The following PSMA1 variants were observed in gnomAD, a reference collection of about 807,000 sequenced individuals.
PSMA1 encodes the protein proteasome subunit alpha type-1.
In PSMA1, 3 loss-of-function variants were observed where a neutral mutation model predicts 38.4. The observed-to-expected ratio is 0.08, with a 90% CI of 0.04 to 0.20. The LOEUF is 0.20. Among genes scored for constraint, PSMA1 ranks in the 10% least tolerant of loss-of-function variants. The pLI is 1.00. For synonymous variants in PSMA1, 101 were observed against 107.1 expected, an observed-to-expected ratio of 0.94 and a Z score of 0.35; for missense variants, 227 against 325.3, an observed-to-expected ratio of 0.70 and a Z score of 2.32.
At chr11:14,575,969 G>A (rs1697163645) in intron 2 of PSMA1, among the ~76,000 whole-genome samples, 1 of 152,138 alleles carries the variant, frequency 6.6e-6, no homozygotes, top group African/African-American at 2.4e-5. Flanking sequence ...GTGTGAGATG[G>A]TATCTCATTG....
At chr11:14,618,465 A>G (rs1474747652) in intron 1 of PSMA1, among the ~76,000 whole-genome samples, 1 of 152,234 alleles carries the variant, frequency 6.6e-6, no homozygotes, top group African/African-American at 2.4e-5. Context: ...TCCAAATGTA[A>G]TACATGTTTC....
At chr11:14,536,904 C>G (rs1264954815) in intron 2 of PSMA1, among the ~76,000 whole-genome samples, 1 of 152,204 alleles carries the variant, frequency 6.6e-6, no homozygotes. Context: ...CGTGAGCCAC[C>G]GCGCCCTGCC....
At chr11:14,542,142 A>G (rs990916222) in intron 2 of PSMA1, among the ~76,000 whole-genome samples, 4 of 152,214 alleles carry the variant, frequency 2.6e-5, no homozygotes, top group Non-Finnish European at 5.9e-5. Flanking sequence ...CATGGTTAAA[A>G]CTTTTAAAAA....
At chr11:14,561,429 T>C (rs1239115113) in intron 2 of PSMA1, among the ~76,000 whole-genome samples, 1 of 152,234 alleles carries the variant, frequency 6.6e-6, no homozygotes, top group African/African-American at 2.4e-5. Flanking sequence ...GTTCCTGGAA[T>C]CTATTTCCTG....
intron 1 of PSMA1, among the ~76,000 whole-genome samples, chr11:14,629,216 G>A (rs1246709221): frequency 6.6e-6 from 1 of 152,000 alleles, no homozygotes; most frequent in Non-Finnish European, 1.5e-5. Context: ...CATTGCTTTT[G>A]GTGTTTTAGA....
chr11:14,525,112 G>A (rs557975946), upstream of PSMA1, among the ~76,000 whole-genome samples: 5 of 152,004 alleles, frequency 3.3e-5, no homozygotes, highest in African/African-American at 1.2e-4. Context: ...GGGTATTGAC[G>A]GCCAGGCTTC....
At chr11:14,518,717 C>T (rs1851476436) in intron 2 of PSMA1, among the ~76,000 whole-genome samples, 2 of 152,280 alleles carry the variant, frequency 1.3e-5, no homozygotes, top group African/African-American at 2.4e-5. Context: ...CTGGTAACCA[C>T]TGTTTTACTC....
At chr11:14,632,259 T>C (rs1416822227) in intron 1 of PSMA1, among the ~76,000 whole-genome samples, 2 of 149,786 alleles carry the variant, frequency 1.3e-5, no homozygotes, top group African/African-American at 2.5e-5. Context: ...TTCTTCCTAG[T>C]CTCGATGGTC....
intron 2 of PSMA1, among the ~76,000 whole-genome samples, chr11:14,605,211 C>G (rs1208459435): frequency 6.6e-6 from 1 of 152,070 alleles, no homozygotes; most frequent in African/African-American, 2.4e-5. Flanking sequence ...TTGCCAACAG[C>G]TGTTGTTTTT....
chr11:14,505,907 G>C (rs185038354), intron 9 of PSMA1, among the ~76,000 whole-genome samples: 1 of 152,072 alleles, frequency 6.6e-6, no homozygotes, highest in South Asian at 2.1e-4. Flanking sequence ...TTGGTGGCGC[G>C]GGGGAAGGTA....
chr11:14,596,600 C>T (rs1219130506), intron 2 of PSMA1, among the ~76,000 whole-genome samples: 1 of 152,174 alleles, frequency 6.6e-6, no homozygotes, highest in African/African-American at 2.4e-5. Context: ...ATTTTGTATC[C>T]TGAGACTTTG....
rs34597306 is a variant in PSMA1 at position 14,509,713 on chromosome 11, G to GTT, written c.624+1157_624+1158dup. Among the ~76,000 whole-genome samples, 397 of 109,938 alleles carry GTT rather than the reference G, an allele frequency of 3.6e-3. 7 individuals carry two copies. Among genetic ancestry groups the GTT allele is most frequent in the African/African-American group, 0.01 (287 of 27,646 alleles). The allele number at this position is 109,938 out of a possible 152,430, so 72.1% of individuals were successfully genotyped here. A position where few individuals can be genotyped will look rare whatever the true frequency, so the allele number is the denominator to read the frequency against. The stretch of plus-strand genomic sequence containing the variant: ...ACTGCGGCTGGCCCACAAACCGGTT[G>GTT]TTTTTTTTTTTTTTTTTTTGAGACG... On this transcript the variant is annotated intron_variant, in intron 8 of 9. Coordinates refer to ENST00000396394, the MANE Select transcript of PSMA1 (RefSeq NM_002786.4).
intron 2 of PSMA1, among the ~76,000 whole-genome samples, chr11:14,540,623 A>G (rs1203211603): frequency 1.3e-5 from 2 of 152,230 alleles, no homozygotes; most frequent in Admixed American, 6.5e-5. Flanking sequence ...GTGAAAAAAA[A>G]TTGTGAACGT....
intron 2 of PSMA1, among the ~76,000 whole-genome samples, chr11:14,571,984 C>A (rs1419567414): frequency 6.6e-6 from 1 of 152,156 alleles, no homozygotes; most frequent in East Asian, 1.9e-4. Flanking sequence ...TATATATGCA[C>A]CCAATACAGG....
intron 3 of PSMA1, 52 bp downstream of exon 3, chr11:14,517,828 T>A (rs1851457770): frequency 6.5e-7 from 1 of 1,528,700 alleles, no homozygotes; most frequent in African/African-American, 1.4e-5. Flanking sequence ...TTTTCTATGG[T>A]GAAATTTACA....
chr11:14,571,267 G>A (rs1852137108), intron 2 of PSMA1, among the ~76,000 whole-genome samples: 1 of 152,170 alleles, frequency 6.6e-6, no homozygotes, highest in Non-Finnish European at 1.5e-5. Flanking sequence ...GTTTCACCAT[G>A]TTAGCCAGGA....
chr11:14,587,582 C>T (rs1852362426), intron 2 of PSMA1, among the ~76,000 whole-genome samples: 1 of 151,708 alleles, frequency 6.6e-6, no homozygotes, highest in Admixed American at 6.6e-5. Flanking sequence ...TCTGAAAGAC[C>T]TGTTTTTTTT....
intron 2 of PSMA1, among the ~76,000 whole-genome samples, chr11:14,564,207 C>T (rs1852042595): frequency 6.6e-6 from 1 of 152,112 alleles, no homozygotes; most frequent in African/African-American, 2.4e-5. Flanking sequence ...TACCCCCCCA[C>T]CCCACCTACT....
intron 1 of PSMA1, among the ~76,000 whole-genome samples, chr11:14,634,779 C>A (rs1398636895): frequency 1.3e-5 from 2 of 152,316 alleles, no homozygotes; most frequent in African/African-American, 4.8e-5. Flanking sequence ...TATATCCCTT[C>A]ATTCTTATAT....
Sources: gnomAD v4.1 joint callset for allele counts (sites outside exome capture counted in the v4.1 genomes callset) on GRCh38, gnomAD v4.1.1 for gene constraint, MANE v1.5 for transcripts, NCBI Gene and HGNC (gene_info 2026-07-23, HGNC 2026-07-21) for gene names.